The following SNX29 variants were observed in gnomAD, a reference collection of about 807,000 sequenced individuals.
SNX29 encodes sorting nexin 29, also known as sorting nexin-29.
A neutral mutation model predicts 102.1 loss-of-function variants in SNX29; 78 were observed. The observed-to-expected ratio is 0.76, with a 90% CI of 0.64 to 0.92. The LOEUF is 0.92. Ranked by LOEUF, SNX29 falls within the 40% of genes least tolerant of loss-of-function variation. The pLI, the probability that SNX29 is intolerant of heterozygous loss-of-function variation, is 0.00. For synonymous variants in SNX29, 580 were observed against 414.5 expected, an observed-to-expected ratio of 1.40 and a Z score of -4.85; for missense variants, 1,280 against 1,061.7, an observed-to-expected ratio of 1.21 and a Z score of -2.86.
chr16:12,381,903 C>T (rs1005779192), intron 16 of SNX29, among the ~76,000 whole-genome samples: 1 of 150,136 alleles, frequency 6.7e-6, no homozygotes, highest in Non-Finnish European at 1.5e-5. Flanking sequence ...CCACTCCCGT[C>T]ATCCATCTAC....
intron 10 of SNX29, among the ~76,000 whole-genome samples, chr16:12,071,770 C>T (rs923291669): frequency 6.6e-5 from 10 of 152,124 alleles, no homozygotes; most frequent in African/African-American, 2.4e-4. Flanking sequence ...GCAGTATGGC[C>T]ATTTTCACGA....
intron 18 of SNX29, among the ~76,000 whole-genome samples, chr16:12,414,323 A>G (rs1381242163): frequency 3.9e-5 from 6 of 152,194 alleles, no homozygotes; most frequent in African/African-American, 7.2e-5. Flanking sequence ...GCAGTGAGCT[A>G]TGATCACACC....
Position 12,558,992 on chromosome 16 carries a change from TAC to T in SNX29, c.2319-9510_2319-9509del, listed in dbSNP as rs569398384. Among the ~76,000 whole-genome samples the T allele has an allele frequency of 6.0e-4, 92 of 152,312 alleles. 1 individual carries two copies. The South Asian group carries it at 7.2e-3, about 12-fold the overall frequency. On this transcript the variant is annotated intron_variant, in intron 20 of 20. Transcript: ENST00000566228. Reference sequence around the variant, plus strand: ...GGGATTCAGAGACTTTAAAGAAATTTACACAGTTATGGGGGAGAGAGACAAAA... The same window carrying T: ...GGGATTCAGAGACTTTAAAGAAATTTACAGTTATGGGGGAGAGAGACAAAA...
At chr16:12,244,169 C>T (rs2142322055) in intron 14 of SNX29, among the ~76,000 whole-genome samples, 1 of 152,290 alleles carries the variant, frequency 6.6e-6, no homozygotes, top group African/African-American at 2.4e-5. Flanking sequence ...ACTCACCCGC[C>T]ACTCAACTCC....
At chr16:12,349,343 C>T (rs974001245) in intron 15 of SNX29, among the ~76,000 whole-genome samples, 3 of 152,192 alleles carry the variant, frequency 2.0e-5, no homozygotes, top group Non-Finnish European at 4.4e-5. Context: ...CTGAGGATTT[C>T]CTGTGACTCT....
intron 18 of SNX29, among the ~76,000 whole-genome samples, chr16:12,424,391 A>G (rs2084977656): frequency 6.6e-6 from 1 of 152,140 alleles, no homozygotes; most frequent in African/African-American, 2.4e-5. Context: ...AATTGAAGAG[A>G]TAATTGAATA....
At chr16:12,421,036 C>T (rs1331525043) in intron 18 of SNX29, among the ~76,000 whole-genome samples, 1 of 152,108 alleles carries the variant, frequency 6.6e-6, no homozygotes, top group Admixed American at 6.5e-5. Context: ...CATGCCAGCC[C>T]GAGACATGAG....
chr16:12,052,309 C>G (rs552944103), intron 8 of SNX29, 87 bp downstream of exon 8: 15 of 1,459,270 alleles, frequency 1.0e-5, no homozygotes, highest in African/African-American at 5.6e-5. Context: ...CTCCACCTCC[C>G]GGGTTCAAGC....
At chr16:12,551,415 C>G (rs964464084) in intron 20 of SNX29, among the ~76,000 whole-genome samples, 1 of 152,212 alleles carries the variant, frequency 6.6e-6, no homozygotes, top group Non-Finnish European at 1.5e-5. Flanking sequence ...GGGGTCTCAG[C>G]CACAGCTTGC....
chr16:12,563,972 G>A (rs370198830), intron 20 of SNX29, among the ~76,000 whole-genome samples: 1 of 147,720 alleles, frequency 6.8e-6, no homozygotes, highest in Non-Finnish European at 1.5e-5. Flanking sequence ...GGGCTTTTCA[G>A]ATAAGGTTCC....
intron 14 of SNX29, among the ~76,000 whole-genome samples, chr16:12,243,046 C>A (rs576444780): frequency 3.6e-4 from 55 of 152,270 alleles, no homozygotes; most frequent in Middle Eastern, 6.8e-3. Flanking sequence ...AGTGGCAGTT[C>A]ACATGTCCGT....
chr16:12,388,718 A>T (rs2083421718), intron 16 of SNX29, among the ~76,000 whole-genome samples: 1 of 152,210 alleles, frequency 6.6e-6, no homozygotes, highest in African/African-American at 2.4e-5. Context: ...TTGGCCCAGG[A>T]GCCATAGTTG....
intron 18 of SNX29, among the ~76,000 whole-genome samples, chr16:12,429,905 C>G (rs555461881): frequency 6.6e-6 from 1 of 152,194 alleles, no homozygotes; most frequent in Non-Finnish European, 1.5e-5. Context: ...TTTTCTTGCT[C>G]TCTGACCACA....
chr16:12,423,515 C>A (rs1894426259), intron 18 of SNX29, among the ~76,000 whole-genome samples: 1 of 152,182 alleles, frequency 6.6e-6, no homozygotes, highest in Non-Finnish European at 1.5e-5. Flanking sequence ...AAATGTGAAA[C>A]CTTTGGAACG....
chr16:12,532,273 C>T lies in SNX29; in HGVS notation c.2318+7432C>T, dbSNP rs182832711. Among the ~76,000 whole-genome samples the T allele has an allele frequency of 6.1e-4, 93 of 152,318 alleles. 1 individual carries two copies. The highest frequency in any genetic ancestry group is 2.1e-3 in the African/African-American group (89 of 41,568). ...TCCAAGAAGTAAAAAGTTTTGGAAG[C>T]ACAATAAGTCCTTAAATTGGCATTC... On this transcript the variant is annotated intron_variant, in intron 20 of 20. Transcript: ENST00000566228.
intron 14 of SNX29, among the ~76,000 whole-genome samples, chr16:12,245,622 C>T (rs1423269453): frequency 6.6e-6 from 1 of 151,964 alleles, no homozygotes; most frequent in African/African-American, 2.4e-5. Context: ...AAAAACCCGT[C>T]GTTGTGATTT....
intron 20 of SNX29, 136 bp from the exon 21 acceptor site, chr16:12,568,370 T>TA: frequency 8.4e-7 from 1 of 1,186,840 alleles, no homozygotes; most frequent in Non-Finnish European, 1.2e-6. Context: ...GTGGCACCAG[T>TA]TAGAGGCAGA....
chr16:12,508,385 C>T (rs946217833), intron 19 of SNX29, among the ~76,000 whole-genome samples: 11 of 152,208 alleles, frequency 7.2e-5, no homozygotes, highest in Admixed American at 1.3e-4. Context: ...ACTGTAGCAG[C>T]GGGGCCGCAA....
rs552879254 is a variant in SNX29, at chr16:12,519,581, T to G, written c.2179-5121T>G. ...AAAATGTCATGACTATAATTTACCT[T>G]AAAACACCTTAGCGAAAAGGTAAAA... On this transcript the variant is annotated intron_variant, in intron 19 of 20. Coordinates refer to ENST00000566228, the MANE Select transcript of SNX29 (RefSeq NM_032167.5). Among the ~76,000 whole-genome samples the G allele has an allele frequency of 3.9e-3, 592 of 152,352 alleles. 3 individuals carry two copies. Among genetic ancestry groups the G allele is most frequent in the African/African-American group, 0.014 (563 of 41,576 alleles).
Sources: gnomAD v4.1 joint callset for allele counts (sites outside exome capture counted in the v4.1 genomes callset) on GRCh38, gnomAD v4.1.1 for gene constraint, MANE v1.5 for transcripts, NCBI Gene and HGNC (gene_info 2026-07-23, HGNC 2026-07-21) for gene names.